The following DUT variants were observed in gnomAD, a reference collection of about 807,000 sequenced individuals.
DUT encodes deoxyuridine 5'-triphosphate nucleotidohydrolase, mitochondrial.
DUT carries 21 observed loss-of-function variants against 28.8 expected under a neutral mutation model. The ratio of observed to expected loss-of-function variants is 0.73; its 90% CI spans 0.52 to 1.05. The LOEUF (loss-of-function observed/expected upper bound fraction) is 1.05, where lower values mean the gene tolerates loss of function less well. DUT is among the 50% of genes least tolerant of loss of function. The pLI, the probability that DUT is intolerant of heterozygous loss-of-function variation, is 0.00. For missense variants in DUT, 344 were observed against 351.8 expected (o/e 0.98, Z 0.18); for synonymous variants, 147 against 143.7 (o/e 1.02, Z -0.17).
chr15:48,332,365 C>T lies in DUT; in HGVS notation c.378C>T (p.Pro126=), dbSNP rs1392493060. 2 of 1,595,442 alleles carry T rather than the reference C, an allele frequency of 1.3e-6. No homozygotes were observed. The highest frequency in any genetic ancestry group is 1.7e-6 in the Non-Finnish European group (2 of 1,173,170). Residue 126 remains proline (P), a synonymous_variant, in exon 2 of 7, where the codon CCC becomes CCT. Coordinates refer to ENST00000331200, the MANE Select transcript of DUT (RefSeq NM_001025248.2). ...FARLSEHATA[P]TRGSARAAGY... is the part of the protein sequence containing the mutation. ...GGCTCTCCGAGCACGCCACGGCCCCCACCCGGGGCTCCGCGCGCGCCGCGG... is the reference window on the plus strand; with the variant it reads ...GGCTCTCCGAGCACGCCACGGCCCCTACCCGGGGCTCCGCGCGCGCCGCGG...
chr15:48,333,194 G>A (rs553803542), intron 2 of DUT, among the ~76,000 whole-genome samples: 6 of 152,034 alleles, frequency 3.9e-5, no homozygotes, highest in African/African-American at 1.4e-4. Flanking sequence ...TTATTTTAAA[G>A]TATCTCAGAT....
At chr15:48,332,061 G>A (rs1026966741) in intron 1 of DUT, 5 of 1,192,346 alleles carry the variant, frequency 4.2e-6, no homozygotes, top group Admixed American at 3.6e-5. Context: ...TGCTTTCCGA[G>A]AAGGGCTTCA....
intron 2 of DUT, 39 bp downstream of exon 2, chr15:48,332,445 C>T (rs1259538362): frequency 1.9e-5 from 28 of 1,479,748 alleles, no homozygotes; most frequent in Middle Eastern, 3.5e-4. Flanking sequence ...TGGGAAGGGC[C>T]GGCCGTCCGC....
At chr15:48,331,840 A>G in intron 1 of DUT, 45 bp downstream of exon 1, 1 of 1,054,882 alleles carries the variant, frequency 9.5e-7, no homozygotes, top group Non-Finnish European at 1.1e-6. Context: ...GAAGGAATCC[A>G]CGCGGCTTGA....
intron 4 of DUT, 46 bp downstream of exon 4, chr15:48,336,136 C>CTTTG (rs755891790): frequency 6.8e-7 from 1 of 1,477,390 alleles, no homozygotes; most frequent in African/African-American, 1.4e-5. Context: ...CAAGTATTTA[C>CTTTG]TTTGTCTTTA....
chr15:48,334,304 TG>T, intron 2 of DUT, 112 bp from the exon 3 acceptor site: 1 of 584,772 alleles, frequency 1.7e-6, no homozygotes, highest in Non-Finnish European at 2.8e-6. Flanking sequence ...AAACTAAAGT[TG>T]CATTAATTCA....
At chr15:48,338,215 C>T (rs1230214649) in intron 4 of DUT, among the ~76,000 whole-genome samples, 3 of 151,856 alleles carry the variant, frequency 2.0e-5, no homozygotes, top group Non-Finnish European at 4.4e-5. Flanking sequence ...TATTGAGGGC[C>T]TTTTTTTCTG....
chr15:48,332,299 C>T lies in DUT; in HGVS notation c.312C>T (p.Ala104=). ...ETPAISPSKR[A]RPAEVGGMQL... is the part of the protein sequence containing the mutation. ...CCGCCATTTCACCCAGTAAGCGGGC[C>T]CGGCCTGCGGAGGTGGGCGGCATGC... The change falls in exon 2 of 7, where the codon GCC becomes GCT. Residue 104 remains alanine (A), a synonymous_variant. Transcript: ENST00000331200. 6.2e-7 allele frequency: 1 copy of T among 1,609,094 alleles called. No homozygotes were observed. The highest frequency in any genetic ancestry group is 1.3e-5 in the African/African-American group (1 of 74,394).
At chr15:48,334,791 T>A (rs527897366) in intron 3 of DUT, among the ~76,000 whole-genome samples, 6 of 152,212 alleles carry the variant, frequency 3.9e-5, no homozygotes, top group Non-Finnish European at 7.3e-5. Flanking sequence ...AGAGTAAAAC[T>A]TCTGACCTGT....
upstream of DUT, chr15:48,331,267 G>A (rs1452907985): frequency 6.2e-6 from 9 of 1,459,390 alleles, no homozygotes; most frequent in African/African-American, 1.0e-4. Context: ...AACAAGAAGA[G>A]CGAAAGCAAG....
chr15:48,335,638 T>G (rs989819191), intron 3 of DUT, among the ~76,000 whole-genome samples: 1 of 152,318 alleles, frequency 6.6e-6, no homozygotes, highest in East Asian at 1.9e-4. Flanking sequence ...AACCAAAGTC[T>G]TCTTCCTCAG....
rs1283043115 is a variant in DUT at position 48,341,274 on chromosome 15, T to C, written c.557-15T>C. ...ATAGCAAAAATTGAGATAATATTAC[T>C]TTTCTTTTCTCTAGCTGGTGTCATA... On this transcript the variant is annotated splice_polypyrimidine_tract_variant and intron_variant, in intron 4 of 6. Transcript: ENST00000331200. 17 of 1,546,710 alleles carry C rather than the reference T, an allele frequency of 1.1e-5. No individual in the cohort carries two copies. The Admixed American group carries it at 3.4e-4, about 31-fold the overall frequency.
chr15:48,342,957 C>G lies in DUT; in HGVS notation c.*879C>G, dbSNP rs569935390. ...TTTCATTGCAGATATGGGACTGATT[C>G]TGTGGCTTACCTTGATTAACATCTT... On this transcript the variant is annotated 3_prime_UTR_variant, in exon 7 of 7. Coordinates refer to ENST00000331200, the MANE Select transcript of DUT (RefSeq NM_001025248.2). 1.3e-5 allele frequency: 2 copies of G among 152,222 alleles called. No individual in the cohort carries two copies. Among genetic ancestry groups the G allele is most frequent in the Non-Finnish European group, 1.5e-5 (1 of 68,048 alleles). The allele number at this position is 152,222 out of a possible 1,614,324, so 9.4% of individuals were successfully genotyped here. A position where few individuals can be genotyped will look rare whatever the true frequency, so the allele number is the denominator to read the frequency against.
intron 6 of DUT, 175 bp from the exon 7 acceptor site, chr15:48,341,847 A>G (rs750233956): frequency 3.4e-6 from 2 of 587,332 alleles, no homozygotes; most frequent in Non-Finnish European, 5.8e-6. Context: ...AAAGTTATCC[A>G]GTATTCTAAT....
At chr15:48,337,673 T>A (rs2042489655) in intron 4 of DUT, among the ~76,000 whole-genome samples, 1 of 152,198 alleles carries the variant, frequency 6.6e-6, no homozygotes, top group Non-Finnish European at 1.5e-5. Context: ...TGGAAAAAAA[T>A]TCATGTAAAA....
At position 48,331,631 on chromosome 15, in the gene DUT, C is replaced by A. The variant is rs1312997429; in HGVS notation, c.116C>A (p.Ser39Tyr). The A allele has an allele frequency of 2.6e-6, 4 of 1,544,654 alleles. No individual in the cohort carries two copies. In the African/African-American group the frequency reaches 5.5e-5, roughly 21 times the overall value. ...ARQRAEAAVL[S>Y]GPGPPLGRAA... ...CAGAGGGCCGAAGCCGCGGTACTCTCCGGGCCAGGCCCGCCCCTCGGCCGC... is the reference window on the plus strand; with the variant it reads ...CAGAGGGCCGAAGCCGCGGTACTCTACGGGCCAGGCCCGCCCCTCGGCCGC... The change falls in exon 1 of 7, where the codon TCC (serine) becomes TAC (tyrosine). Residue 39 changes from serine (S) to tyrosine (Y), a missense_variant. By Grantham distance (144) the Ser-to-Tyr change is moderately radical. Coordinates refer to ENST00000331200, the MANE Select transcript of DUT (RefSeq NM_001025248.2).
rs2042560392 is a variant in DUT at position 48,343,222 on chromosome 15, C to T, written c.*1144C>T. 2 of 152,174 alleles carry T rather than the reference C, an allele frequency of 1.3e-5. No individual in the cohort carries two copies. The highest frequency in any genetic ancestry group is 6.5e-5 in the Admixed American group (1 of 15,278). The allele number at this position is 152,174 out of a possible 1,614,324, so 9.4% of individuals were successfully genotyped here. ...TGGTGATTCTCCAGGCCATTTAATA[C>T]CCTGCAATGTAATTGTCCCTCTGTG... is the stretch of plus-strand genomic sequence containing the variant. On this transcript the variant is annotated 3_prime_UTR_variant, in exon 7 of 7. Transcript: ENST00000331200.
At chr15:48,336,007 C>T (rs769498074) in intron 3 of DUT, 39 bp from the exon 4 acceptor site, 2 of 1,568,540 alleles carry the variant, frequency 1.3e-6, no homozygotes, top group Admixed American at 1.8e-5. Flanking sequence ...ATAGCCCTTC[C>T]CCCTTAAAAT....
chr15:48,338,378 C>T (rs752235037), intron 4 of DUT, among the ~76,000 whole-genome samples: 2 of 152,200 alleles, frequency 1.3e-5, no homozygotes, highest in East Asian at 1.9e-4. Context: ...TTTACAGATA[C>T]GTTAGCAGAG....
Sources: gnomAD v4.1 joint callset for allele counts (sites outside exome capture counted in the v4.1 genomes callset) on GRCh38, gnomAD v4.1.1 for gene constraint, MANE v1.5 for transcripts, NCBI Gene and HGNC (gene_info 2026-07-23, HGNC 2026-07-21) for gene names.